SGCD: variants seen among roughly 807,000 people sequenced by gnomAD.
SGCD encodes the protein delta-sarcoglycan.
A neutral mutation model predicts 36.6 loss-of-function variants in SGCD; 18 were observed. That is an observed-to-expected ratio of 0.49 (90% confidence interval 0.34 to 0.73). The LOEUF (loss-of-function observed/expected upper bound fraction) is 0.73, where lower values mean the gene tolerates loss of function less well. Among genes scored for constraint, SGCD ranks in the 30% least tolerant of loss-of-function variants. The pLI, the probability that SGCD is intolerant of heterozygous loss-of-function variation, is 0.01. For missense variants in SGCD, 387 were observed against 346.7 expected, an observed-to-expected ratio of 1.12 and a Z score of -0.92; for synonymous variants, 133 against 130.6, an observed-to-expected ratio of 1.02 and a Z score of -0.12.
At chr5:156,021,753 G>A (rs1759104896) in intron 1 of SGCD, among the ~76,000 whole-genome samples, 1 of 152,108 alleles carries the variant, frequency 6.6e-6, no homozygotes, top group South Asian at 2.1e-4. Flanking sequence ...CCGGAGCCTG[G>A]CATATCTCAG....
chr5:156,172,279 A>G (rs970744338), intron 3 of SGCD, among the ~76,000 whole-genome samples: 1 of 152,178 alleles, frequency 6.6e-6, no homozygotes, highest in African/African-American at 2.4e-5. Flanking sequence ...GCAAAACTCC[A>G]TCTCAAAAAC....
intron 1 of SGCD, among the ~76,000 whole-genome samples, chr5:156,048,994 T>C (rs983043252): frequency 7.4e-5 from 11 of 147,706 alleles, no homozygotes; most frequent in African/African-American, 2.7e-4. Flanking sequence ...CTTGAATTAA[T>C]TTTTGTATAA....
chr5:156,612,642 C>A (rs1008758411), intron 6 of SGCD, among the ~76,000 whole-genome samples: 1 of 152,236 alleles, frequency 6.6e-6, no homozygotes, highest in Non-Finnish European at 1.5e-5. Context: ...TCAGCTGTTC[C>A]ACTGAGCCTA....
chr5:156,488,942 G>T (rs1755821364), intron 3 of SGCD, among the ~76,000 whole-genome samples: 1 of 152,074 alleles, frequency 6.6e-6, no homozygotes, highest in Non-Finnish European at 1.5e-5. Flanking sequence ...TGGTTGAATG[G>T]ATTAAAATTA....
At chr5:156,268,568 TTC>T (rs1766064719) in intron 3 of SGCD, among the ~76,000 whole-genome samples, 1 of 64,670 alleles carries the variant, frequency 1.5e-5, no homozygotes, top group African/African-American at 6.0e-5. Flanking sequence ...GATTTGCTCC[TTC>T]CTTCCTTCCT....
chr5:156,472,113 G>T (rs1754997921), intron 3 of SGCD, among the ~76,000 whole-genome samples: 1 of 152,164 alleles, frequency 6.6e-6, no homozygotes, highest in Admixed American at 6.5e-5. Context: ...TAAACCAAGT[G>T]TTGAGGATAT....
intron 7 of SGCD, among the ~76,000 whole-genome samples, chr5:156,723,850 AGTGTGTGTGTGTGTGT>A (rs60939391): frequency 6.7e-6 from 1 of 150,010 alleles, no homozygotes; most frequent in Non-Finnish European, 1.5e-5. Context: ...TTTTAAGCCA[AGTGTGTGTGTGTGTGT>A]GTGTGTGTGT....
At chr5:156,262,017 T>C (rs1765881407) in intron 3 of SGCD, among the ~76,000 whole-genome samples, 3 of 152,126 alleles carry the variant, frequency 2.0e-5, no homozygotes. Context: ...AATTAAAAAG[T>C]TTGTAATTAA....
chr5:156,633,470 G>A (rs115558446), intron 6 of SGCD, among the ~76,000 whole-genome samples: 19 of 152,236 alleles, frequency 1.2e-4, no homozygotes, highest in Non-Finnish European at 2.5e-4. Context: ...ATGTTTAGCG[G>A]GGAGTTAAGA....
the SGCD span, among the ~76,000 whole-genome samples, chr5:155,765,777 G>A: frequency 6.6e-6 from 1 of 152,092 alleles, no homozygotes; most frequent in African/African-American, 2.4e-5. Flanking sequence ...AAAATGCTGT[G>A]CTGGGATTCC....
At chr5:156,069,208 T>C (rs1293737865) in intron 1 of SGCD, among the ~76,000 whole-genome samples, 1 of 152,136 alleles carries the variant, frequency 6.6e-6, no homozygotes, top group African/African-American at 2.4e-5. Context: ...CATGCCTATG[T>C]CCTGAATGGT....
At chr5:155,767,276 G>A in the SGCD span, among the ~76,000 whole-genome samples, 60 of 152,268 alleles carry the variant, frequency 3.9e-4, no homozygotes, top group African/African-American at 1.3e-3. Flanking sequence ...TCCATGGGGC[G>A]GCCTGAGGAA....
intron 4 of SGCD, among the ~76,000 whole-genome samples, chr5:156,512,191 CAAAAAAAAA>C (rs759345867): frequency 7.5e-5 from 5 of 66,898 alleles, no homozygotes; most frequent in African/African-American, 1.8e-4. Context: ...GACTCTGTCT[CAAAAAAAAA>C]AAAAAAAAAA....
intron 3 of SGCD, among the ~76,000 whole-genome samples, chr5:156,430,535 G>T (rs2127787272): frequency 6.6e-6 from 1 of 152,082 alleles, no homozygotes; most frequent in African/African-American, 2.4e-5. Context: ...GAGCTTGTGT[G>T]ATCTTTTTGG....
chr5:155,867,641 G>A (rs1022385255), upstream of SGCD, among the ~76,000 whole-genome samples: 2 of 152,114 alleles, frequency 1.3e-5, no homozygotes, highest in Non-Finnish European at 2.9e-5. Context: ...GGAGAAAGAG[G>A]AATGATTTAA....
chr5:155,867,517 G>A (rs540957305), upstream of SGCD, among the ~76,000 whole-genome samples: 1 of 152,270 alleles, frequency 6.6e-6, no homozygotes, highest in African/African-American at 2.4e-5. Context: ...ATTCACATGT[G>A]GCATTGAACG....
intron 7 of SGCD, among the ~76,000 whole-genome samples, chr5:156,722,618 C>A (rs1405758231): frequency 6.6e-6 from 1 of 152,186 alleles, no homozygotes; most frequent in East Asian, 1.9e-4. Context: ...ACAATGTGTA[C>A]TTTTACACCA....
intron 1 of SGCD, among the ~76,000 whole-genome samples, chr5:155,870,968 G>C (rs925190269): frequency 7.2e-5 from 11 of 152,150 alleles, no homozygotes; most frequent in African/African-American, 2.6e-4. Flanking sequence ...ATCTTTGCAG[G>C]GTCGGAAAGT....
In SGCD at chr5:156,765,516, C is replaced by A. The variant is rs1179559975; in HGVS notation, c.*6126C>A. 1 of 152,078 alleles carries A rather than the reference C, an allele frequency of 6.6e-6. No homozygotes were observed. The highest frequency in any genetic ancestry group is 2.4e-5 in the African/African-American group (1 of 41,394). The allele number at this position is 152,078 out of a possible 1,614,324, so 9.4% of individuals were successfully genotyped here. A position where few individuals can be genotyped will look rare whatever the true frequency, so the allele number is the denominator to read the frequency against. Reference sequence around the variant, plus strand: ...AGATTTTCCTGGATCTGAAGCTACCCGAAGACATGGGAAGAGTTGTATTCT... The same window carrying A: ...AGATTTTCCTGGATCTGAAGCTACCAGAAGACATGGGAAGAGTTGTATTCT... On this transcript the variant is annotated 3_prime_UTR_variant, in exon 9 of 9. Transcript: ENST00000337851.
Sources: gnomAD v4.1 joint callset for allele counts (sites outside exome capture counted in the v4.1 genomes callset) on GRCh38, gnomAD v4.1.1 for gene constraint, MANE v1.5 for transcripts, NCBI Gene and HGNC (gene_info 2026-07-23, HGNC 2026-07-21) for gene names.